The following GAN variants were observed in gnomAD, a reference collection of about 807,000 sequenced individuals.
GAN encodes gigaxonin, also known as epididymis secretory sperm binding protein.
In GAN, 48 loss-of-function variants were observed where a neutral mutation model predicts 71.3. That is an observed-to-expected ratio of 0.67 (90% CI 0.53 to 0.86). The LOEUF (loss-of-function observed/expected upper bound fraction) is 0.86. GAN is among the 40% of genes least tolerant of loss of function. The pLI is 0.00. For missense variants in GAN, 928 were observed against 770.1 expected, an observed-to-expected ratio of 1.21 and a Z score of -2.43; for synonymous variants, 386 against 276.8, an observed-to-expected ratio of 1.39 and a Z score of -3.92.
chr16:81,323,067 A>C (rs1909270792), intron 1 of GAN, among the ~76,000 whole-genome samples: 2 of 152,274 alleles, frequency 1.3e-5, no homozygotes, highest in African/African-American at 4.8e-5. Context: ...GCTGGAGGCC[A>C]GCAGGACCCA....
At chr16:81,317,771 C>T (rs1187441188) in intron 1 of GAN, among the ~76,000 whole-genome samples, 2 of 152,200 alleles carry the variant, frequency 1.3e-5, no homozygotes, top group Non-Finnish European at 2.9e-5. Context: ...TGTTAGCTGG[C>T]TTACAATATC....
At chr16:81,376,673 C>T in intron 9 of GAN, among the ~76,000 whole-genome samples, 1 of 145,114 alleles carries the variant, frequency 6.9e-6, no homozygotes, top group East Asian at 2.0e-4. Flanking sequence ...TGTGTATATA[C>T]ATATGTGTAT....
At chr16:81,375,995 C>T (rs544843923) in intron 9 of GAN, among the ~76,000 whole-genome samples, 65 of 150,342 alleles carry the variant, frequency 4.3e-4, no homozygotes, top group African/African-American at 1.5e-3. Flanking sequence ...AAAAAAATTC[C>T]ATAAAATGAC....
chr16:81,352,902 A>C (rs1910346790), intron 2 of GAN, among the ~76,000 whole-genome samples: 1 of 152,256 alleles, frequency 6.6e-6, no homozygotes, highest in African/African-American at 2.4e-5. Flanking sequence ...ATGAGTTATA[A>C]GCCAGTAAGA....
chr16:81,376,531 A>ATG (rs1904280927), intron 9 of GAN, among the ~76,000 whole-genome samples: 1 of 148,738 alleles, frequency 6.7e-6, no homozygotes, highest in African/African-American at 2.5e-5. Flanking sequence ...GTATACATAT[A>ATG]TGTGTATATG....
At chr16:81,372,108 G>A (rs989960231) in intron 9 of GAN, 1 of 151,752 alleles carries the variant, frequency 6.6e-6, no homozygotes, top group Admixed American at 6.6e-5. Flanking sequence ...CTACTTCCCT[G>A]TCTCTGAAGT....
chr16:81,318,501 A>G (rs1048585056), intron 1 of GAN, among the ~76,000 whole-genome samples: 9 of 152,114 alleles, frequency 5.9e-5, no homozygotes, highest in Admixed American at 3.9e-4. Context: ...AGTCTGTACA[A>G]TAATAAATCA....
At chr16:81,348,812 G>A (rs765623939) in intron 1 of GAN, among the ~76,000 whole-genome samples, 9 of 152,106 alleles carry the variant, frequency 5.9e-5, no homozygotes, top group Non-Finnish European at 1.3e-4. Context: ...TGTGCCCTTG[G>A]GTCTGTACCC....
chr16:81,370,600 G>A (rs1159724182), intron 9 of GAN, among the ~76,000 whole-genome samples: 2 of 152,366 alleles, frequency 1.3e-5, no homozygotes, highest in Admixed American at 6.5e-5. Context: ...TTGGAAGTGT[G>A]TGTGCTGAGG....
At chr16:81,357,142 C>T (rs757313600) in intron 4 of GAN, 140 bp downstream of exon 4, 32 of 701,752 alleles carry the variant, frequency 4.6e-5, no homozygotes, top group Non-Finnish European at 7.3e-5. Context: ...TTTTAGGGTA[C>T]ATGTGCACAA....
chr16:81,337,116 C>T (rs1195803663), intron 1 of GAN, among the ~76,000 whole-genome samples: 1 of 152,070 alleles, frequency 6.6e-6, no homozygotes, highest in Non-Finnish European at 1.5e-5. Context: ...CTTTCAGGAG[C>T]TCCTGAAGAC....
rs773154188 is a variant in GAN at position 81,356,918 on chromosome 16, C to A, written c.767C>A (p.Pro256Gln). The A allele has an allele frequency of 6.2e-7, 1 of 1,613,746 alleles. No individual in the cohort carries two copies. Among genetic ancestry groups the A allele is most frequent in the Non-Finnish European group, 8.5e-7 (1 of 1,179,730 alleles). ...TGTAGCAATATACCGCTCAGCCAGC[C>A]GCAGCAAGGGGAGGCGATGCTGGCC... Reference protein sequence around the residue: ...KECSNIPLSQPQQGEAMLANF... With the variant: ...KECSNIPLSQQQQGEAMLANF... The change falls in exon 4 of 11, where the codon CCG (proline) becomes CAG (glutamine). Residue 256 changes from proline to glutamine, a missense_variant. Physicochemically the swap from Pro to Gln is moderately conservative, Grantham distance 76. Transcript: ENST00000648994.
chr16:81,321,215 C>G (rs1909212721), intron 1 of GAN, among the ~76,000 whole-genome samples: 2 of 152,142 alleles, frequency 1.3e-5, no homozygotes, highest in African/African-American at 2.4e-5. Context: ...CAACAAAATT[C>G]TTGTTAGACT....
At chr16:81,340,371 G>T (rs1316213989) in intron 1 of GAN, among the ~76,000 whole-genome samples, 1 of 151,984 alleles carries the variant, frequency 6.6e-6, no homozygotes, top group East Asian at 1.9e-4. Flanking sequence ...ACAATAAAAG[G>T]GCTCCTTGTC....
intron 1 of GAN, among the ~76,000 whole-genome samples, chr16:81,350,542 G>A (rs1910265912): frequency 6.8e-6 from 1 of 147,668 alleles, no homozygotes; most frequent in Non-Finnish European, 1.5e-5. Flanking sequence ...TTGAGGCAGA[G>A]TCTCGCTCTG....
At chr16:81,339,003 C>T (rs915089563) in intron 1 of GAN, among the ~76,000 whole-genome samples, 2 of 152,154 alleles carry the variant, frequency 1.3e-5, no homozygotes, top group Non-Finnish European at 2.9e-5. Context: ...ACTCTTTTAG[C>T]AGTTTGACAG....
chr16:81,326,354 C>T (rs1909385798), intron 1 of GAN, among the ~76,000 whole-genome samples: 1 of 86,144 alleles, frequency 1.2e-5, no homozygotes, highest in Admixed American at 1.4e-4. Flanking sequence ...ACCATCTCTA[C>T]TAAAAATACA....
At chr16:81,353,151 C>T (rs1161786317) in intron 2 of GAN, among the ~76,000 whole-genome samples, 1 of 151,948 alleles carries the variant, frequency 6.6e-6, no homozygotes, top group African/African-American at 2.4e-5. Flanking sequence ...ATTAGCCGGG[C>T]GAGGTGGCGG....
At chr16:81,330,481 A>G (rs1909538948) in intron 1 of GAN, among the ~76,000 whole-genome samples, 1 of 152,256 alleles carries the variant, frequency 6.6e-6, no homozygotes, top group Non-Finnish European at 1.5e-5. Flanking sequence ...TCTACTCCAG[A>G]TAATAAGATA....
Sources: gnomAD v4.1 joint callset for allele counts (sites outside exome capture counted in the v4.1 genomes callset) on GRCh38, gnomAD v4.1.1 for gene constraint, MANE v1.5 for transcripts, NCBI Gene and HGNC (gene_info 2026-07-23, HGNC 2026-07-21) for gene names.